ZCCHC7: variants seen among roughly 807,000 people sequenced by gnomAD.
ZCCHC7 encodes zinc finger CCHC domain-containing protein 7.
In ZCCHC7, 35 loss-of-function variants were observed where a neutral mutation model predicts 52.0. The observed-to-expected ratio is 0.67, with a 90% CI of 0.51 to 0.89. The LOEUF is 0.89. Among genes scored for constraint, ZCCHC7 ranks in the 40% least tolerant of loss-of-function variants. ZCCHC7 has a pLI of 0.00. For synonymous variants in ZCCHC7, 217 were observed against 221.5 expected (o/e 0.98, Z 0.18); for missense variants, 574 against 649.1 (o/e 0.88, Z 1.26).
chr9:37,200,391 T>A (rs1232253393), intron 2 of ZCCHC7, among the ~76,000 whole-genome samples: 10 of 152,354 alleles, frequency 6.6e-5, no homozygotes, highest in Admixed American at 5.9e-4. Flanking sequence ...AGTTTTCCCC[T>A]TCATTTATGA....
At chr9:37,250,886 G>A (rs1442730208) in intron 2 of ZCCHC7, among the ~76,000 whole-genome samples, 1 of 152,172 alleles carries the variant, frequency 6.6e-6, no homozygotes, top group Non-Finnish European at 1.5e-5. Context: ...ATTAAAGGTG[G>A]TAATTTTGAT....
At chr9:37,173,689 C>G (rs547619480) in intron 2 of ZCCHC7, among the ~76,000 whole-genome samples, 1 of 151,994 alleles carries the variant, frequency 6.6e-6, no homozygotes, top group African/African-American at 2.4e-5. Context: ...TTTATGTGTT[C>G]GATTTGTTAA....
At chr9:37,218,272 C>T (rs1358383700) in intron 2 of ZCCHC7, among the ~76,000 whole-genome samples, 1 of 152,116 alleles carries the variant, frequency 6.6e-6, no homozygotes, top group African/African-American at 2.4e-5. Context: ...AATCCAACTA[C>T]AATTAAATAA....
intron 7 of ZCCHC7, among the ~76,000 whole-genome samples, chr9:37,350,546 CATT>C (rs1186226281): frequency 6.6e-6 from 1 of 152,244 alleles, no homozygotes; most frequent in Non-Finnish European, 1.5e-5. Flanking sequence ...GATGCTGCAT[CATT>C]GACTTGCTCA....
chr9:37,247,520 G>A (rs966723561), intron 2 of ZCCHC7, among the ~76,000 whole-genome samples: 2 of 152,180 alleles, frequency 1.3e-5, no homozygotes, highest in Non-Finnish European at 2.9e-5. Flanking sequence ...TGTGGTATCA[G>A]TACCAGAATG....
At chr9:37,149,008 A>G (rs1471203670) in intron 2 of ZCCHC7, among the ~76,000 whole-genome samples, 1 of 152,104 alleles carries the variant, frequency 6.6e-6, no homozygotes, top group Non-Finnish European at 1.5e-5. Context: ...AGAGGGTAAA[A>G]GTTCTAAATA....
chr9:37,195,207 A>G (rs545978908), intron 2 of ZCCHC7, among the ~76,000 whole-genome samples: 5 of 152,198 alleles, frequency 3.3e-5, no homozygotes, highest in African/African-American at 1.2e-4. Context: ...TCAGCCTCCC[A>G]AAGTGCTGGG....
intron 1 of ZCCHC7, 99 bp downstream of exon 1, chr9:37,120,722 C>T: frequency 2.8e-6 from 1 of 362,360 alleles, no homozygotes; most frequent in Non-Finnish European, 5.0e-6. Flanking sequence ...CGTGCCCCCT[C>T]GCCGGCCTCG....
intron 8 of ZCCHC7, among the ~76,000 whole-genome samples, chr9:37,355,719 C>G (rs923865020): frequency 6.6e-6 from 1 of 152,156 alleles, no homozygotes; most frequent in Non-Finnish European, 1.5e-5. Flanking sequence ...AGTAGCCGTT[C>G]GTATACACAA....
chr9:37,313,220 T>C (rs1314187712), intron 5 of ZCCHC7, among the ~76,000 whole-genome samples: 1 of 152,222 alleles, frequency 6.6e-6, no homozygotes, highest in Non-Finnish European at 1.5e-5. Context: ...CAGGCTGCAA[T>C]TGATTGATTG....
At chr9:37,120,877 T>G (rs1329287790) in intron 1 of ZCCHC7, 2 of 201,402 alleles carry the variant, frequency 9.9e-6, no homozygotes, top group Non-Finnish European at 2.0e-5. Context: ...CTAGAGCGGC[T>G]GGGCGTCTAG....
chr9:37,178,439 A>G (rs573177247), intron 2 of ZCCHC7, among the ~76,000 whole-genome samples: 2 of 151,810 alleles, frequency 1.3e-5, no homozygotes, highest in South Asian at 4.2e-4. Flanking sequence ...AAGGAAAGAA[A>G]AAAGGAGAAG....
chr9:37,222,154 G>A (rs1164239485), intron 2 of ZCCHC7, among the ~76,000 whole-genome samples: 3 of 151,918 alleles, frequency 2.0e-5, no homozygotes, highest in Admixed American at 2.0e-4. Flanking sequence ...ATTGTTTTAT[G>A]GCTTGACATA....
At chr9:37,139,902 G>A (rs10973229) in intron 2 of ZCCHC7, among the ~76,000 whole-genome samples, 20,819 of 151,822 alleles carry the variant, frequency 0.14, 1,726 homozygotes, top group Non-Finnish European at 0.17. Context: ...TCCAACTCTT[G>A]AAAACTTTTC....
chr9:37,246,480 T>C (rs1826085993), intron 2 of ZCCHC7, among the ~76,000 whole-genome samples: 1 of 152,180 alleles, frequency 6.6e-6, no homozygotes, highest in Non-Finnish European at 1.5e-5. Context: ...CATTGTGAAA[T>C]ATTTAATGTA....
chr9:37,196,899 T>A (rs921403592), intron 2 of ZCCHC7, among the ~76,000 whole-genome samples: 2 of 152,156 alleles, frequency 1.3e-5, no homozygotes, highest in African/African-American at 2.4e-5. Context: ...CTTTTTTGTG[T>A]GAAGGATAAA....
chr9:37,270,682 CAA>C (rs766670950), intron 2 of ZCCHC7, among the ~76,000 whole-genome samples: 24 of 95,852 alleles, frequency 2.5e-4, no homozygotes, highest in Admixed American at 3.4e-4. Flanking sequence ...AACTTTGTCT[CAA>C]AAAAAAAAAA....
chr9:37,330,721 T>C (rs1225816342), intron 6 of ZCCHC7, among the ~76,000 whole-genome samples: 3 of 151,638 alleles, frequency 2.0e-5, no homozygotes, highest in South Asian at 2.1e-4. Flanking sequence ...AGCCTGACTT[T>C]TAATGTTCTT....
intron 6 of ZCCHC7, among the ~76,000 whole-genome samples, chr9:37,347,271 T>C (rs1588704047): frequency 6.6e-6 from 1 of 152,186 alleles, no homozygotes; most frequent in African/African-American, 2.4e-5. Flanking sequence ...TATAAACAGA[T>C]TCCACCAAAT....
Sources: gnomAD v4.1 joint callset for allele counts (sites outside exome capture counted in the v4.1 genomes callset) on GRCh38, gnomAD v4.1.1 for gene constraint, MANE v1.5 for transcripts, NCBI Gene and HGNC (gene_info 2026-07-23, HGNC 2026-07-21) for gene names.